XPR1: variants seen among roughly 807,000 people sequenced by gnomAD.
XPR1 encodes solute carrier family 53 member 1.
In XPR1, 28 loss-of-function variants were observed where a neutral mutation model predicts 87.5. That is an observed-to-expected ratio of 0.32 (90% CI 0.24 to 0.44). The LOEUF (loss-of-function observed/expected upper bound fraction) is 0.44. Ranked by LOEUF, XPR1 falls within the 20% of genes least tolerant of loss-of-function variation. The probability of loss-of-function intolerance (pLI) is 1.00; values close to 1 mark genes in which losing one functional copy is unlikely to be tolerated. For missense variants in XPR1, 559 were observed against 862.3 expected, an observed-to-expected ratio of 0.65 and a Z score of 4.41; for synonymous variants, 300 against 306.1, an observed-to-expected ratio of 0.98 and a Z score of 0.21.
At chr1:180,811,268 T>C (rs1040327537) in intron 6 of XPR1, 139 bp from the exon 7 acceptor site, 10 of 720,454 alleles carry the variant, frequency 1.4e-5, no homozygotes, top group Non-Finnish European at 2.3e-5. Context: ...ATTCTCTGGT[T>C]CAGATTTATA....
chr1:180,671,441 G>A lies in XPR1; in HGVS notation c.70-10919G>A, dbSNP rs532263766. On this transcript the variant is annotated intron_variant, in intron 1 of 14. Coordinates refer to ENST00000367590, the MANE Select transcript of XPR1 (RefSeq NM_004736.4). Reference sequence around the variant, plus strand: ...ATGCATGAGTGGAAAGAAAGAAAACGTAATAATGTTAACTACACTAGGATA... The same window carrying A: ...ATGCATGAGTGGAAAGAAAGAAAACATAATAATGTTAACTACACTAGGATA... 1.1e-4 allele frequency among the ~76,000 whole-genome samples: 16 copies of A among 152,254 alleles called. No homozygotes were observed. The East Asian group carries it at 2.9e-3, about 27-fold the overall frequency.
chr1:180,664,427 A>G (rs1655891020), intron 1 of XPR1, among the ~76,000 whole-genome samples: 1 of 152,070 alleles, frequency 6.6e-6, no homozygotes, highest in Non-Finnish European at 1.5e-5. Context: ...GTGTCTAGAA[A>G]TGTTGTCTGA....
At chr1:180,668,425 A>T (rs2101927434) in intron 1 of XPR1, among the ~76,000 whole-genome samples, 1 of 152,194 alleles carries the variant, frequency 6.6e-6, no homozygotes, top group African/African-American at 2.4e-5. Flanking sequence ...CACTGCACCC[A>T]GCCTGTTTCC....
In XPR1 at chr1:180,658,390, T is replaced by C. The variant is rs143294373; in HGVS notation, c.70-23970T>C. The stretch of plus-strand genomic sequence containing the variant: ...CAGATCTTAGAGGAAAGGCTTTCAG[T>C]TTTTCCCCATTCAGTATAATACTAG... On this transcript the variant is annotated intron_variant, in intron 1 of 14. Coordinates refer to ENST00000367590, the MANE Select transcript of XPR1 (RefSeq NM_004736.4). 5.3e-5 allele frequency among the ~76,000 whole-genome samples: 8 copies of C among 152,274 alleles called. No homozygotes were observed. In the East Asian group the frequency reaches 1.5e-3, roughly 29 times the overall value.
chr1:180,770,167 C>T (rs978026803), intron 2 of XPR1, among the ~76,000 whole-genome samples: 1 of 152,092 alleles, frequency 6.6e-6, no homozygotes, highest in Non-Finnish European at 1.5e-5. Context: ...ATGTTTTTGT[C>T]TTCTGAAAAT....
At chr1:180,660,542 T>C (rs897585619) in intron 1 of XPR1, among the ~76,000 whole-genome samples, 10 of 152,186 alleles carry the variant, frequency 6.6e-5, no homozygotes, top group African/African-American at 2.4e-4. Context: ...TGGTATGTTG[T>C]GTTTCCATTA....
intron 11 of XPR1, among the ~76,000 whole-genome samples, chr1:180,855,145 G>C (rs74643409): frequency 6.6e-6 from 1 of 151,950 alleles, no homozygotes; most frequent in Non-Finnish European, 1.5e-5. Flanking sequence ...TATTCAATTT[G>C]CTCTACTCTA....
intron 7 of XPR1, among the ~76,000 whole-genome samples, chr1:180,820,981 A>G (rs1368587921): frequency 1.3e-5 from 2 of 150,204 alleles, no homozygotes; most frequent in East Asian, 1.9e-4. Context: ...CTTATATTAG[A>G]TAAATGATTT....
At chr1:180,729,331 A>G (rs376932773) in intron 2 of XPR1, among the ~76,000 whole-genome samples, 3 of 152,176 alleles carry the variant, frequency 2.0e-5, no homozygotes, top group East Asian at 3.8e-4. Context: ...ATGGTAAAAC[A>G]TTTTATATTC....
intron 2 of XPR1, among the ~76,000 whole-genome samples, chr1:180,706,527 A>T (rs2101977445): frequency 6.6e-6 from 1 of 152,362 alleles, no homozygotes; most frequent in Non-Finnish European, 1.5e-5. Flanking sequence ...TTCATGTGAA[A>T]ATTCACATAA....
chr1:180,673,567 G>A (rs943551168), intron 1 of XPR1, among the ~76,000 whole-genome samples: 4 of 152,220 alleles, frequency 2.6e-5, no homozygotes, highest in African/African-American at 9.6e-5. Context: ...CAGGAGGTAA[G>A]CAGTGGGCCA....
intron 2 of XPR1, among the ~76,000 whole-genome samples, chr1:180,725,920 C>T (rs1266606990): frequency 6.6e-6 from 1 of 152,182 alleles, no homozygotes; most frequent in Non-Finnish European, 1.5e-5. Flanking sequence ...ATAGTATCTA[C>T]TTCAAATTAT....
At chr1:180,800,659 A>G (rs1355547510) in intron 3 of XPR1, among the ~76,000 whole-genome samples, 1 of 152,244 alleles carries the variant, frequency 6.6e-6, no homozygotes, top group African/African-American at 2.4e-5. Context: ...GTTATACAAC[A>G]ATGCAAAGCT....
At chr1:180,638,812 T>A (rs1654869673) in intron 1 of XPR1, among the ~76,000 whole-genome samples, 1 of 152,232 alleles carries the variant, frequency 6.6e-6, no homozygotes, top group Admixed American at 6.5e-5. Context: ...TACTTTTGTA[T>A]AAATTTGTAT....
intron 3 of XPR1, among the ~76,000 whole-genome samples, chr1:180,802,720 C>CT (rs1399030268): frequency 2.0e-5 from 3 of 152,150 alleles, no homozygotes. Context: ...CAGTAATCTA[C>CT]TTTCTTTCTG....
At position 180,684,713 on chromosome 1, in the gene XPR1, A is replaced by G. The variant is rs78195857; in HGVS notation, c.121+2302A>G. Among the ~76,000 whole-genome samples, 1,096 of 152,122 alleles carry G rather than the reference A, an allele frequency of 7.2e-3. 9 individuals carry two copies. Among genetic ancestry groups the G allele is most frequent in the Admixed American group, 8.6e-3 (131 of 15,284 alleles). ...TGAAGAGGTCCTTCACATCCCTTTTAAGTTGGATTCCTAGGTATTTTATTC... is the reference window on the plus strand; with the variant it reads ...TGAAGAGGTCCTTCACATCCCTTTTGAGTTGGATTCCTAGGTATTTTATTC... On this transcript the variant is annotated intron_variant, in intron 2 of 14. Coordinates refer to ENST00000367590, the MANE Select transcript of XPR1 (RefSeq NM_004736.4).
In XPR1 at chr1:180,632,100, G is replaced by A. The variant is rs887203272; in HGVS notation, c.-102G>A. The A allele has an allele frequency of 4.3e-6, 6 of 1,409,276 alleles. No individual in the cohort carries two copies. The highest frequency in any genetic ancestry group is 5.9e-6 in the Non-Finnish European group (6 of 1,019,416). 87.3% of individuals were successfully genotyped at this position (1,409,276 alleles called of 1,614,324 possible). ...CGGCGGAGGAGGAGAGAAGCGCAGC[G>A]CCGCGCCGCGCCGGGGCCCATGTGG... On this transcript the variant is annotated 5_prime_UTR_variant, in exon 1 of 15. Transcript: ENST00000367590.
chr1:180,845,362 A>T (rs919485916), intron 11 of XPR1, among the ~76,000 whole-genome samples: 2 of 152,234 alleles, frequency 1.3e-5, no homozygotes, highest in Non-Finnish European at 2.9e-5. Flanking sequence ...TCTTTGTAAC[A>T]TTATATAGTA....
chr1:180,742,214 ATTTTC>A (rs1245815368), intron 2 of XPR1, among the ~76,000 whole-genome samples: 8 of 151,044 alleles, frequency 5.3e-5, no homozygotes, highest in Admixed American at 6.6e-5. Flanking sequence ...TACATTTTCT[ATTTTC>A]TTAAAGTGGA....
Sources: gnomAD v4.1 joint callset for allele counts (sites outside exome capture counted in the v4.1 genomes callset) on GRCh38, gnomAD v4.1.1 for gene constraint, MANE v1.5 for transcripts, NCBI Gene and HGNC (gene_info 2026-07-23, HGNC 2026-07-21) for gene names.